FTHL17: variants seen among roughly 807,000 people sequenced by gnomAD.
The protein encoded by FTHL17 is ferritin heavy polypeptide-like 17.
For missense variants in FTHL17, 146 were observed against 156.7 expected, an observed-to-expected ratio of 0.93 and a Z score of 0.37; for synonymous variants, 85 against 76.6, an observed-to-expected ratio of 1.11 and a Z score of -0.58.
At position 31,071,794 on chromosome X, in the gene FTHL17, G is replaced by A. The variant is rs1253663420; in HGVS notation, c.160C>T (p.Arg54Cys). The A allele has an allele frequency of 8.3e-6, 10 of 1,211,660 alleles. No individual in the cohort carries two copies. Among genetic ancestry groups the A allele is most frequent in the South Asian group, 3.5e-5 (2 of 57,010 alleles). ...RDDVALENFF[R>C]YFLRLSDDKM... is the part of the protein sequence containing the mutation. ...TCGTCCGACAGGCGCAGGAAGTAGC[G>A]GAAGAAGTTCTCCAGGGCCACGTCG... Residue 54 changes from arginine (R) to cysteine (C), a missense_variant, in exon 1 of 1, where the codon CGC becomes TGC. Transcript: ENST00000359202.
rs2031078452 is a variant in FTHL17, at chrX:31,072,034, C to T, written c.-81G>A. 2.5e-6 allele frequency: 2 copies of T among 800,694 alleles called. No homozygotes were observed. Among genetic ancestry groups the T allele is most frequent in the Admixed American group, 2.8e-5 (1 of 35,879 alleles). 66.0% of individuals were successfully genotyped at this position (800,694 alleles called of 1,213,427 possible). A position where few individuals can be genotyped will look rare whatever the true frequency, so the allele number is the denominator to read the frequency against. On this transcript the variant is annotated 5_prime_UTR_variant, in exon 1 of 1. Transcript: ENST00000359202. Reference sequence around the variant, plus strand: ...GCAGCAGCTGAGGTGACAAGAATGGCGGATAGTGAAAGGCGGGTGTGCGAT... The same window carrying T: ...GCAGCAGCTGAGGTGACAAGAATGGTGGATAGTGAAAGGCGGGTGTGCGAT...
Position 31,071,735 on chromosome X carries a change from C to A in FTHL17, c.219G>T (p.Leu73=). The change falls in exon 1 of 1, where the codon CTG becomes CTT. Residue 73 remains leucine, a synonymous_variant. Transcript: ENST00000359202. ...KMEHAQKLMR[L]QNLRGGHICL... ...AGATGTGGCCACCGCGCAGGTTCTG[C>A]AGCCTCATCAGCTTCTGGGCATGCT... The A allele has an allele frequency of 8.3e-7, 1 of 1,211,239 alleles. No individual in the cohort carries two copies. Among genetic ancestry groups the A allele is most frequent in the Non-Finnish European group, 1.1e-6 (1 of 894,939 alleles).
chrX:31,071,900 G>A lies in FTHL17; in HGVS notation c.54C>T (p.Asp18=), dbSNP rs145075121. The change falls in exon 1 of 1, where the codon GAC becomes GAT. Residue 18 remains aspartate, a synonymous_variant. Coordinates refer to ENST00000359202, the MANE Select transcript of FTHL17 (RefSeq NM_031894.3). The part of the protein sequence containing the change: ...QVRQKYDTNC[D]AAINSHITLE... The stretch of plus-strand genomic sequence containing the variant: ...GCGTGATGTGGCTGTTGATGGCGGC[G>A]TCGCAGTTGGTGTCGTACTTCTGGC... 8.1e-5 allele frequency: 98 copies of A among 1,207,903 alleles called. No homozygotes were observed. In the African/African-American group the frequency reaches 1.1e-3, roughly 14 times the overall value.
chrX:31,071,893 T>C lies in FTHL17; in HGVS notation c.61A>G (p.Ile21Val), dbSNP rs768938267. Residue 21 changes from isoleucine (I) to valine (V), a missense_variant, in exon 1 of 1, where the codon ATC becomes GTC. Physicochemically the swap from Ile to Val is conservative, Grantham distance 29. Coordinates refer to ENST00000359202, the MANE Select transcript of FTHL17 (RefSeq NM_031894.3). ...AGCTCCAGCGTGATGTGGCTGTTGA[T>C]GGCGGCGTCGCAGTTGGTGTCGTAC... is the stretch of plus-strand genomic sequence containing the variant. ...QKYDTNCDAA[I>V]NSHITLELYT... 5 of 1,197,248 alleles carry C rather than the reference T, an allele frequency of 4.2e-6. No homozygotes were observed. The Admixed American group carries it at 8.9e-5, about 21-fold the overall frequency.
chrX:31,071,997 G>T lies in FTHL17; in HGVS notation c.-44C>A. 2.8e-6 allele frequency: 3 copies of T among 1,059,406 alleles called. No individual in the cohort carries two copies. Among genetic ancestry groups the T allele is most frequent in the Admixed American group, 4.6e-5 (2 of 43,195 alleles). The allele number at this position is 1,059,406 out of a possible 1,213,427, so 87.3% of individuals were successfully genotyped here. On this transcript the variant is annotated 5_prime_UTR_variant, in exon 1 of 1. Coordinates refer to ENST00000359202, the MANE Select transcript of FTHL17 (RefSeq NM_031894.3). ...AGGCGAGCACACGGGCGAAGTCGGT[G>T]CGGTAGCGAGGGCAGCAGCTGAGGT...
rs16989319 is a variant in FTHL17, at chrX:31,071,594, C to G, written c.360G>C (p.Gln120His). 2,600 of 1,209,968 alleles carry G rather than the reference C, an allele frequency of 2.1e-3. 48 individuals are homozygous for G. In the African/African-American group the frequency reaches 0.039, roughly 18 times the overall value. ...GGGGGTCGCCCTTCTCCACGGCCAG[C>G]TGGTACAGATCCAGCAGGCTCTGGT... Reference protein sequence around the residue: ...NVNQSLLDLYQLAVEKGDPQL... With the variant: ...NVNQSLLDLYHLAVEKGDPQL... The change falls in exon 1 of 1, where the codon CAG becomes CAC. Residue 120 changes from glutamine to histidine, a missense_variant. Physicochemically the swap from Gln to His is conservative, Grantham distance 24 (BLOSUM62 0). Transcript: ENST00000359202.
At position 31,071,675 on chromosome X, in the gene FTHL17, G is replaced by A; in HGVS notation, c.279C>T (p.Gly93=). The A allele has an allele frequency of 8.3e-7, 1 of 1,211,959 alleles. No homozygotes were observed. The highest frequency in any genetic ancestry group is 1.1e-6 in the Non-Finnish European group (1 of 895,467). Residue 93 remains glycine (G), a synonymous_variant, in exon 1 of 1, where the codon GGC becomes GGT. Coordinates refer to ENST00000359202, the MANE Select transcript of FTHL17 (RefSeq NM_031894.3). The part of the protein sequence containing the change: ...LHDIRKPECQ[G]WESGLVAMES... Reference sequence around the variant, plus strand: ...CCATGGCCACGAGCCCGCTCTCCCAGCCTTGGCACTCTGGCTTCCTGATAT... The same window carrying A: ...CCATGGCCACGAGCCCGCTCTCCCAACCTTGGCACTCTGGCTTCCTGATAT...
In FTHL17 at chrX:31,071,593, G is replaced by T. The variant is rs139581898; in HGVS notation, c.361C>A (p.Leu121Met). 16 of 1,210,012 alleles carry T rather than the reference G, an allele frequency of 1.3e-5. No individual in the cohort carries two copies. In the African/African-American group the frequency reaches 2.4e-4, roughly 19 times the overall value. ...VNQSLLDLYQ[L>M]AVEKGDPQLC... Reference sequence around the variant, plus strand: ...TGGGGGTCGCCCTTCTCCACGGCCAGCTGGTACAGATCCAGCAGGCTCTGG... The same window carrying T: ...TGGGGGTCGCCCTTCTCCACGGCCATCTGGTACAGATCCAGCAGGCTCTGG... Residue 121 changes from leucine to methionine, a missense_variant, in exon 1 of 1, where the codon CTG (leucine) becomes ATG (methionine). Coordinates refer to ENST00000359202, the MANE Select transcript of FTHL17 (RefSeq NM_031894.3).
rs775714995 is a variant in FTHL17 at position 31,071,596 on chromosome X, G to A, written c.358C>T (p.Gln120Ter). ...GGGTCGCCCTTCTCCACGGCCAGCT[G>A]GTACAGATCCAGCAGGCTCTGGTTG... The part of the protein sequence containing the change: ...NVNQSLLDLY[Q>*]LAVEKGDPQL... The change falls in exon 1 of 1, where the codon CAG becomes TAG. Residue 120 changes from glutamine to a stop codon, truncating the protein, a stop_gained. Coordinates refer to ENST00000359202, the MANE Select transcript of FTHL17 (RefSeq NM_031894.3). LOFTEE classifies it low-confidence loss of function (END_TRUNC). The A allele has an allele frequency of 9.1e-6, 11 of 1,211,792 alleles. 1 individual carries two copies. Among genetic ancestry groups the A allele is most frequent in the Non-Finnish European group, 1.2e-5 (11 of 895,355 alleles).
chrX:31,071,477 A>C lies in FTHL17; in HGVS notation c.477T>G (p.Ile159Met). ...LGGYVSNLRK[I>M]CSPEAGLAEY... is the part of the protein sequence containing the mutation. ...CAGCCAGGCCGGCTTCCGGGGAACA[A>C]ATCTTGCGCAGGTTGCTCACGTAGC... The change falls in exon 1 of 1, where the codon ATT (isoleucine) becomes ATG (methionine). Residue 159 changes from isoleucine to methionine, a missense_variant. Ile to Met is a conservative substitution (Grantham distance 10). Transcript: ENST00000359202. The C allele has an allele frequency of 5.8e-6, 7 of 1,211,307 alleles. No homozygotes were observed. The highest frequency in any genetic ancestry group is 7.8e-6 in the Non-Finnish European group (7 of 895,263).
rs767675212 is a variant in FTHL17 at position 31,071,910 on chromosome X, G to C, written c.44C>G (p.Thr15Ser). Residue 15 changes from threonine (T) to serine (S), a missense_variant, in exon 1 of 1, where the codon ACC (threonine) becomes AGC (serine). Thr to Ser is a moderately conservative substitution (Grantham distance 58). Coordinates refer to ENST00000359202, the MANE Select transcript of FTHL17 (RefSeq NM_031894.3). ...QPSQVRQKYD[T>S]NCDAAINSHI... is the part of the protein sequence containing the mutation. ...GCTGTTGATGGCGGCGTCGCAGTTG[G>C]TGTCGTACTTCTGGCGCACCTGCGA... 1 of 1,207,464 alleles carries C rather than the reference G, an allele frequency of 8.3e-7. No homozygotes were observed. The highest frequency in any genetic ancestry group is 1.8e-5 in the South Asian group (1 of 56,681).
At position 31,071,915 on chromosome X, in the gene FTHL17, G is replaced by C; in HGVS notation, c.39C>G (p.Tyr13Ter). ...TGATGGCGGCGTCGCAGTTGGTGTCGTACTTCTGGCGCACCTGCGACGGCT... is the reference window on the plus strand; with the variant it reads ...TGATGGCGGCGTCGCAGTTGGTGTCCTACTTCTGGCGCACCTGCGACGGCT... The part of the protein sequence containing the change: ...TAQPSQVRQK[Y>*]DTNCDAAINS... The change falls in exon 1 of 1, where the codon TAC (tyrosine) becomes TAG (stop). Residue 13 changes from tyrosine (Y) to a stop codon, truncating the protein, a stop_gained. Transcript: ENST00000359202. LOFTEE classifies it low-confidence loss of function (END_TRUNC). 1 of 1,208,995 alleles carries C rather than the reference G, an allele frequency of 8.3e-7. No homozygotes were observed. Among genetic ancestry groups the C allele is most frequent in the Non-Finnish European group, 1.1e-6 (1 of 893,335 alleles).
In FTHL17 at chrX:31,071,966, A is replaced by C; in HGVS notation, c.-13T>G. On this transcript the variant is annotated 5_prime_UTR_variant, in exon 1 of 1. Coordinates refer to ENST00000359202, the MANE Select transcript of FTHL17 (RefSeq NM_031894.3). Reference sequence around the variant, plus strand: ...GGGCGGTGGCCATGGCGGGCAGCGCAAGTGCAGGCGAGCACACGGGCGAAG... The same window carrying C: ...GGGCGGTGGCCATGGCGGGCAGCGCCAGTGCAGGCGAGCACACGGGCGAAG... 2 of 1,193,926 alleles carry C rather than the reference A, an allele frequency of 1.7e-6. No homozygotes were observed.
At position 31,071,485 on chromosome X, in the gene FTHL17, G is replaced by T. The variant is rs1348661585; in HGVS notation, c.469C>A (p.Arg157Ser). Residue 157 changes from arginine (R) to serine (S), a missense_variant, in exon 1 of 1, where the codon CGC (arginine) becomes AGC (serine). Arg to Ser is a moderately radical substitution (Grantham distance 110). Coordinates refer to ENST00000359202, the MANE Select transcript of FTHL17 (RefSeq NM_031894.3). ...KELGGYVSNL[R>S]KICSPEAGLA... ...CCGGCTTCCGGGGAACAAATCTTGC[G>T]CAGGTTGCTCACGTAGCCACCCAGC... 7 of 1,211,277 alleles carry T rather than the reference G, an allele frequency of 5.8e-6. No individual in the cohort carries two copies. Among genetic ancestry groups the T allele is most frequent in the African/African-American group, 3.5e-5 (2 of 57,759 alleles).
chrX:31,071,815 C>T lies in FTHL17; in HGVS notation c.139G>A (p.Val47Met), dbSNP rs138241353. ...TAGCGGAAGAAGTTCTCCAGGGCCA[C>T]GTCGTCCCGGTTGAAGTAGAAGGCC... is the stretch of plus-strand genomic sequence containing the variant. ...SMAFYFNRDD[V>M]ALENFFRYFL... The change falls in exon 1 of 1, where the codon GTG (valine) becomes ATG (methionine). Residue 47 changes from valine (V) to methionine (M), a missense_variant. Coordinates refer to ENST00000359202, the MANE Select transcript of FTHL17 (RefSeq NM_031894.3). The T allele has an allele frequency of 4.1e-6, 5 of 1,209,080 alleles. No homozygotes were observed. The African/African-American group carries it at 5.3e-5, about 13-fold the overall frequency.
chrX:31,072,012 G>A lies in FTHL17; in HGVS notation c.-59C>T, dbSNP rs182102107. ...CGAAGTCGGTGCGGTAGCGAGGGCA[G>A]CAGCTGAGGTGACAAGAATGGCGGA... On this transcript the variant is annotated 5_prime_UTR_variant, in exon 1 of 1. Transcript: ENST00000359202. 3 of 956,593 alleles carry A rather than the reference G, an allele frequency of 3.1e-6. No homozygotes were observed. Among genetic ancestry groups the A allele is most frequent in the Non-Finnish European group, 4.4e-6 (3 of 680,280 alleles). The allele number at this position is 956,593 out of a possible 1,213,427, so 78.8% of individuals were successfully genotyped here. A position where few individuals can be genotyped will look rare whatever the true frequency, so the allele number is the denominator to read the frequency against.
rs139439323 is a variant in FTHL17 at position 31,071,498 on chromosome X, G to A, written c.456C>T (p.Tyr152=). 35 of 1,209,316 alleles carry A rather than the reference G, an allele frequency of 2.9e-5. No homozygotes were observed. The highest frequency in any genetic ancestry group is 3.8e-5 in the Non-Finnish European group (34 of 894,544). The change falls in exon 1 of 1, where the codon TAC becomes TAT. Residue 152 remains tyrosine (Y), a synonymous_variant. Transcript: ENST00000359202. ...AACAAATCTTGCGCAGGTTGCTCACGTAGCCACCCAGCTCTTTGATGGTCT... is the reference window on the plus strand; with the variant it reads ...AACAAATCTTGCGCAGGTTGCTCACATAGCCACCCAGCTCTTTGATGGTCT... The part of the protein sequence containing the change: ...QVKTIKELGG[Y]VSNLRKICSP...
chrX:31,071,823 C>A lies in FTHL17; in HGVS notation c.131G>T (p.Arg44Leu), dbSNP rs551562864. The change falls in exon 1 of 1, where the codon CGG becomes CTG. Residue 44 changes from arginine (R) to leucine (L), a missense_variant. Transcript: ENST00000359202. ...LYLSMAFYFN[R>L]DDVALENFFR... The stretch of plus-strand genomic sequence containing the variant: ...GAAGTTCTCCAGGGCCACGTCGTCC[C>A]GGTTGAAGTAGAAGGCCATAGACAG... 5 of 1,208,900 alleles carry A rather than the reference C, an allele frequency of 4.1e-6. No individual in the cohort carries two copies. The East Asian group carries it at 1.5e-4, about 36-fold the overall frequency.
Position 31,071,444 on chromosome X carries a change from C to T in FTHL17, c.510G>A (p.Leu170=). The T allele has an allele frequency of 8.3e-7, 1 of 1,211,915 alleles. No individual in the cohort carries two copies. Among genetic ancestry groups the T allele is most frequent in the East Asian group, 3.0e-5 (1 of 33,847 alleles). ...GGCCGCCCAGGGTGAGCTTGTCGAA[C>T]AGGTACTCAGCCAGGCCGGCTTCCG... ...CSPEAGLAEY[L]FDKLTLGGRV... is the part of the protein sequence containing the mutation. The change falls in exon 1 of 1, where the codon CTG becomes CTA. Residue 170 remains leucine, a synonymous_variant. Transcript: ENST00000359202.
Sources: allele counts gnomAD v4.1 joint callset, GRCh38; gene constraint gnomAD v4.1.1; transcripts MANE v1.5; gene names NCBI Gene and HGNC (gene_info 2026-07-23, HGNC 2026-07-21).